The following PLEKHA3 variants were observed in gnomAD, a reference collection of about 807,000 sequenced individuals.
The protein encoded by PLEKHA3 is pleckstrin homology domain-containing family A member 3.
Under a neutral mutation model 39.2 loss-of-function variants are expected in PLEKHA3, and 19 were observed. The observed-to-expected ratio is 0.48, with a 90% CI of 0.34 to 0.71. The LOEUF is 0.71. PLEKHA3 is among the 30% of genes least tolerant of loss of function. The pLI is 0.01. For missense variants in PLEKHA3, 253 were observed against 359.5 expected (o/e 0.70, Z 2.40); for synonymous variants, 97 against 118.6 (o/e 0.82, Z 1.18).
At chr2:178,483,196 T>C (rs1021531978) in intron 1 of PLEKHA3, among the ~76,000 whole-genome samples, 2 of 152,018 alleles carry the variant, frequency 1.3e-5, no homozygotes, top group East Asian at 1.9e-4. Context: ...GAGGCAGAGG[T>C]TACAGTGAGC....
intron 7 of PLEKHA3, among the ~76,000 whole-genome samples, chr2:178,501,429 A>G (rs1322060558): frequency 6.6e-6 from 1 of 152,024 alleles, no homozygotes; most frequent in Admixed American, 6.6e-5. Context: ...TTTATAGAAT[A>G]TCATGATCTT....
intron 5 of PLEKHA3, among the ~76,000 whole-genome samples, chr2:178,496,693 TG>T (rs1168496310): frequency 6.6e-6 from 1 of 152,126 alleles, no homozygotes; most frequent in East Asian, 1.9e-4. Context: ...TGATGGGACT[TG>T]TCACAGCCTT....
chr2:178,493,724 T>G, intron 3 of PLEKHA3, 129 bp from the exon 4 acceptor site: 1 of 800,678 alleles, frequency 1.2e-6, no homozygotes, highest in Non-Finnish European at 1.9e-6. Context: ...TGTATCCTGT[T>G]TCCAAGGTCT....
chr2:178,482,779 G>A (rs1341975011), intron 1 of PLEKHA3, among the ~76,000 whole-genome samples: 1 of 152,102 alleles, frequency 6.6e-6, no homozygotes, highest in Non-Finnish European at 1.5e-5. Flanking sequence ...TTAGATTTTA[G>A]TCTTTGCAGG....
Position 178,490,236 on chromosome 2 carries a change from T to C in PLEKHA3, c.158-423T>C, listed in dbSNP as rs958014973. On this transcript the variant is annotated intron_variant, in intron 2 of 7. Coordinates refer to ENST00000234453, the MANE Select transcript of PLEKHA3 (RefSeq NM_019091.4). ...TTACTTTTCTGACAGAAGGTGGCTG[T>C]AGTTGTCATTTATTACATTCCTTCT... 2.0e-5 allele frequency among the ~76,000 whole-genome samples: 3 copies of C among 152,316 alleles called. No individual in the cohort carries two copies. The South Asian group carries it at 6.2e-4, about 32-fold the overall frequency.
chr2:178,484,974 G>T (rs1423359454), intron 1 of PLEKHA3, among the ~76,000 whole-genome samples: 2 of 152,228 alleles, frequency 1.3e-5, no homozygotes, highest in East Asian at 3.8e-4. Flanking sequence ...GGAAGAGGGG[G>T]TCATATGGGG....
intron 5 of PLEKHA3, among the ~76,000 whole-genome samples, 169 bp from the exon 6 acceptor site, chr2:178,499,039 ATGT>A (rs1685490691): frequency 6.6e-6 from 1 of 151,756 alleles, no homozygotes; most frequent in Non-Finnish European, 1.5e-5. Flanking sequence ...AGAAAGCTTG[ATGT>A]TGTACTAATT....
chr2:178,499,135 T>C, intron 5 of PLEKHA3, 76 bp from the exon 6 acceptor site: 1 of 1,351,242 alleles, frequency 7.4e-7, no homozygotes. Context: ...ATTATGATAA[T>C]AGTAAATTAG....
Position 178,484,310 on chromosome 2 carries a change from T to C in PLEKHA3, c.41-1331T>C, listed in dbSNP as rs371755835. Among the ~76,000 whole-genome samples, 54 of 152,324 alleles carry C rather than the reference T, an allele frequency of 3.5e-4. No homozygotes were observed. In the East Asian group the frequency reaches 4.2e-3, roughly 12 times the overall value. On this transcript the variant is annotated intron_variant, in intron 1 of 7. Transcript: ENST00000234453. ...CACTAGGGAATACTCTGTTGTTTCA[T>C]AAAAAGGAATCTTCCAGGAACCTGA...
chr2:178,486,747 C>T (rs948957061), intron 2 of PLEKHA3, among the ~76,000 whole-genome samples: 1 of 152,160 alleles, frequency 6.6e-6, no homozygotes, highest in African/African-American at 2.4e-5. Flanking sequence ...GTGAATATCT[C>T]ACAATTTTGG....
At chr2:178,486,137 C>G (rs149971976) in intron 2 of PLEKHA3, among the ~76,000 whole-genome samples, 1,819 of 152,238 alleles carry the variant, frequency 0.012, 39 homozygotes, top group African/African-American at 0.041. Flanking sequence ...GGGGCCAGCT[C>G]TGTAGGGTTT....
At position 178,512,305 on chromosome 2, in the gene PLEKHA3, A is replaced by G. The variant is rs1456070121; in HGVS notation, c.*8418A>G. ...TACTGTAGATAAACCAAATAAATTA[A>G]TGTAAAGGGATATTAATGCATTAAG... On this transcript the variant is annotated 3_prime_UTR_variant, in exon 8 of 8. Coordinates refer to ENST00000234453, the MANE Select transcript of PLEKHA3 (RefSeq NM_019091.4). 2 of 152,234 alleles carry G rather than the reference A, an allele frequency of 1.3e-5. No homozygotes were observed. Among genetic ancestry groups the G allele is most frequent in the Non-Finnish European group, 2.9e-5 (2 of 68,042 alleles). 9.4% of individuals were successfully genotyped at this position (152,234 alleles called of 1,614,324 possible). A position where few individuals can be genotyped will look rare whatever the true frequency, so the allele number is the denominator to read the frequency against.
chr2:178,509,657 T>G lies in PLEKHA3; in HGVS notation c.*5770T>G, dbSNP rs572727128. The G allele has an allele frequency of 9.1e-4, 139 of 152,230 alleles. No homozygotes were observed. Among genetic ancestry groups the G allele is most frequent in the African/African-American group, 3.1e-3 (128 of 41,486 alleles). The allele number at this position is 152,230 out of a possible 1,614,324, so 9.4% of individuals were successfully genotyped here. A position where few individuals can be genotyped will look rare whatever the true frequency, so the allele number is the denominator to read the frequency against. On this transcript the variant is annotated 3_prime_UTR_variant, in exon 8 of 8. Transcript: ENST00000234453. Reference sequence around the variant, plus strand: ...TACTCCTGGCTAATTTTTGTATTTTTTTGTAGCAGCAGGGTTTTGCCATGC... The same window carrying G: ...TACTCCTGGCTAATTTTTGTATTTTGTTGTAGCAGCAGGGTTTTGCCATGC...
rs1482399354 is a variant in PLEKHA3 at position 178,516,363 on chromosome 2, A to G, written c.*12476A>G. The G allele has an allele frequency of 1.3e-5, 2 of 152,136 alleles. No individual in the cohort carries two copies. The highest frequency in any genetic ancestry group is 2.9e-5 in the Non-Finnish European group (2 of 68,004). 9.4% of individuals were successfully genotyped at this position (152,136 alleles called of 1,614,324 possible). On this transcript the variant is annotated 3_prime_UTR_variant, in exon 8 of 8. Coordinates refer to ENST00000234453, the MANE Select transcript of PLEKHA3 (RefSeq NM_019091.4). ...TTTGTGAGTATTTTTTTCTTTTCCAAATTCCAAAAGGTGTATACTCTATAT... is the reference window on the plus strand; with the variant it reads ...TTTGTGAGTATTTTTTTCTTTTCCAGATTCCAAAAGGTGTATACTCTATAT...
intron 1 of PLEKHA3, among the ~76,000 whole-genome samples, chr2:178,484,778 G>A (rs759728119): frequency 1.4e-4 from 21 of 152,162 alleles, no homozygotes; most frequent in Non-Finnish European, 1.3e-4. Context: ...ATAAGACTCC[G>A]GGGAACACCA....
chr2:178,489,749 T>C (rs980428405), intron 2 of PLEKHA3, among the ~76,000 whole-genome samples: 5 of 152,212 alleles, frequency 3.3e-5, no homozygotes, highest in Non-Finnish European at 5.9e-5. Context: ...CTTCTTCTCA[T>C]TCATTTTCTT....
At chr2:178,492,720 A>G (rs1298442970) in intron 3 of PLEKHA3, among the ~76,000 whole-genome samples, 1 of 151,976 alleles carries the variant, frequency 6.6e-6, no homozygotes, top group Non-Finnish European at 1.5e-5. Context: ...ATACAGACAG[A>G]AAATAGAATG....
Position 178,485,408 on chromosome 2 carries a change from T to C in PLEKHA3, c.41-233T>C, listed in dbSNP as rs114516896. Among the ~76,000 whole-genome samples the C allele has an allele frequency of 6.8e-3, 1,043 of 152,330 alleles. 5 individuals carry two copies. Among genetic ancestry groups the C allele is most frequent in the Non-Finnish European group, 0.011 (751 of 68,026 alleles). On this transcript the variant is annotated intron_variant, in intron 1 of 7. Transcript: ENST00000234453. ...GAACACTGTGAGCTAGAATTAGAAGTATTACTCCCCGTGTTTTTGCTGCTC... is the reference window on the plus strand; with the variant it reads ...GAACACTGTGAGCTAGAATTAGAAGCATTACTCCCCGTGTTTTTGCTGCTC...
intron 3 of PLEKHA3, among the ~76,000 whole-genome samples, chr2:178,491,623 A>G (rs531726952): frequency 9.2e-5 from 14 of 152,370 alleles, no homozygotes; most frequent in African/African-American, 1.9e-4. Context: ...CAAATGATTT[A>G]TGTTATTAGT....
Sources: allele counts gnomAD v4.1 joint callset (sites outside exome capture counted in the v4.1 genomes callset), GRCh38; gene constraint gnomAD v4.1.1; transcripts MANE v1.5; gene names NCBI Gene and HGNC (gene_info 2026-07-23, HGNC 2026-07-21).